The following NCAM2 variants were observed in gnomAD, a reference collection of about 807,000 sequenced individuals.
NCAM2 encodes neural cell adhesion molecule 2.
A neutral mutation model predicts 98.1 loss-of-function variants in NCAM2; 30 were observed. That is an observed-to-expected ratio of 0.31 (90% CI 0.23 to 0.41). The LOEUF (loss-of-function observed/expected upper bound fraction) is 0.41, where lower values mean the gene tolerates loss of function less well. NCAM2 is among the 10% of genes least tolerant of loss of function. The pLI is 1.00. For synonymous variants in NCAM2, 368 were observed against 342.4 expected, an observed-to-expected ratio of 1.07 and a Z score of -0.83; for missense variants, 867 against 1,005.8, an observed-to-expected ratio of 0.86 and a Z score of 1.87.
intron 1 of NCAM2, among the ~76,000 whole-genome samples, chr21:21,116,576 C>T (rs778819795): frequency 5.9e-5 from 9 of 152,080 alleles, no homozygotes; most frequent in African/African-American, 1.4e-4. Context: ...CCAATGTGTC[C>T]GGGCGCAGCG....
At chr21:21,476,869 C>A (rs1165735032) in intron 14 of NCAM2, among the ~76,000 whole-genome samples, 1 of 151,840 alleles carries the variant, frequency 6.6e-6, no homozygotes, top group Non-Finnish European at 1.5e-5. Flanking sequence ...TTCTTCCCCC[C>A]AAAAAACTTT....
chr21:21,128,800 T>G (rs2066879096), intron 1 of NCAM2, among the ~76,000 whole-genome samples: 1 of 152,148 alleles, frequency 6.6e-6, no homozygotes, highest in South Asian at 2.1e-4. Context: ...ATGCTTAAAT[T>G]AAATCTACCT....
intron 1 of NCAM2, among the ~76,000 whole-genome samples, chr21:21,008,221 A>T (rs2064145997): frequency 6.6e-6 from 1 of 152,192 alleles, no homozygotes; most frequent in African/African-American, 2.4e-5. Flanking sequence ...TACAAGCTGA[A>T]ATTAAGCACA....
chr21:21,226,485 TGAA>T (rs1418463205), intron 1 of NCAM2, among the ~76,000 whole-genome samples: 2 of 152,078 alleles, frequency 1.3e-5, no homozygotes, highest in East Asian at 1.9e-4. Flanking sequence ...TTGAAAATAC[TGAA>T]GAAGAAGATA....
chr21:21,261,863 G>A (rs561964888), intron 1 of NCAM2, among the ~76,000 whole-genome samples: 5 of 152,000 alleles, frequency 3.3e-5, no homozygotes, highest in Non-Finnish European at 5.9e-5. Flanking sequence ...CAAAGGTCAC[G>A]GAAGAAATGC....
chr21:21,337,248 A>AT (rs1568949734), intron 7 of NCAM2, among the ~76,000 whole-genome samples: 2 of 152,020 alleles, frequency 1.3e-5, no homozygotes, highest in South Asian at 4.1e-4. Flanking sequence ...AAGAAAAAAG[A>AT]TTTTTTACAT....
At chr21:21,265,988 ATGAATAAG>A (rs1399785957) in intron 1 of NCAM2, among the ~76,000 whole-genome samples, 3 of 152,142 alleles carry the variant, frequency 2.0e-5, no homozygotes, top group Non-Finnish European at 4.4e-5. Flanking sequence ...AAAAATATTA[ATGAATAAG>A]TGAGGGTGTT....
At chr21:21,053,239 G>A (rs1041047330) in intron 1 of NCAM2, among the ~76,000 whole-genome samples, 3 of 152,024 alleles carry the variant, frequency 2.0e-5, no homozygotes, top group Non-Finnish European at 4.4e-5. Context: ...CAAATGGTTT[G>A]CATTATAAAA....
chr21:21,029,758 G>A (rs1034617708), intron 1 of NCAM2, among the ~76,000 whole-genome samples: 1 of 152,030 alleles, frequency 6.6e-6, no homozygotes, highest in African/African-American at 2.4e-5. Flanking sequence ...AGCCTCCCGA[G>A]TAGCTGGGGC....
intron 13 of NCAM2, 83 bp from the exon 14 acceptor site, chr21:21,468,579 A>T: frequency 1.5e-6 from 2 of 1,347,388 alleles, no homozygotes; most frequent in Non-Finnish European, 2.0e-6. Context: ...TTTTGATTAC[A>T]TTACTGTTCT....
At chr21:21,134,161 C>G (rs1007070689) in intron 1 of NCAM2, among the ~76,000 whole-genome samples, 1 of 151,638 alleles carries the variant, frequency 6.6e-6, no homozygotes, top group East Asian at 1.9e-4. Context: ...CTCCGCCTCC[C>G]GGGTCCAGGA....
chr21:21,058,317 G>C (rs1400429185), intron 1 of NCAM2, among the ~76,000 whole-genome samples: 1 of 152,030 alleles, frequency 6.6e-6, no homozygotes, highest in Non-Finnish European at 1.5e-5. Flanking sequence ...ATGTGTGCTT[G>C]TTGTATGACA....
At chr21:21,328,134 A>G (rs1011366567) in intron 6 of NCAM2, among the ~76,000 whole-genome samples, 5 of 152,206 alleles carry the variant, frequency 3.3e-5, no homozygotes, top group Non-Finnish European at 5.9e-5. Flanking sequence ...TGGTGGTTCC[A>G]TAAGATTATA....
In NCAM2 at chr21:21,475,806, A is replaced by C. The variant is rs150490729; in HGVS notation, c.1897-1485A>C. Among the ~76,000 whole-genome samples the C allele has an allele frequency of 7.7e-3, 1,168 of 152,250 alleles. 12 individuals carry two copies. Among genetic ancestry groups the C allele is most frequent in the African/African-American group, 0.027 (1,115 of 41,560 alleles). ...TTCTAATATCTTCATTTTTACACGAAATAGCAAAACAGGCCAAACTTTTCT... is the reference window on the plus strand; with the variant it reads ...TTCTAATATCTTCATTTTTACACGACATAGCAAAACAGGCCAAACTTTTCT... On this transcript the variant is annotated intron_variant, in intron 14 of 17. Transcript: ENST00000400546.
Position 21,497,258 on chromosome 21 carries a change from C to T in NCAM2, c.2078-11593C>T, listed in dbSNP as rs531180150. On this transcript the variant is annotated intron_variant, in intron 15 of 17. Coordinates refer to ENST00000400546, the MANE Select transcript of NCAM2 (RefSeq NM_004540.5). The stretch of plus-strand genomic sequence containing the variant: ...CTACCAATCAATCAAGCTGTGTGCT[C>T]GCTATCAGGGTGATATGACTTCCAA... Among the ~76,000 whole-genome samples, 16 of 152,138 alleles carry T rather than the reference C, an allele frequency of 1.1e-4. 1 individual carries two copies. The South Asian group carries it at 2.9e-3, about 28-fold the overall frequency.
rs140141663 is a variant in NCAM2 at position 21,245,231 on chromosome 21, A to G, written c.56-35347A>G. On this transcript the variant is annotated intron_variant, in intron 1 of 17. Transcript: ENST00000400546. ...TCACTCATTCTTCATTCAGAGGTCA[A>G]CTATTATCAACTTCTCTGTATGCTA... Among the ~76,000 whole-genome samples, 200 of 152,324 alleles carry G rather than the reference A, an allele frequency of 1.3e-3. 3 individuals are homozygous for G. Among genetic ancestry groups the G allele is most frequent in the African/African-American group, 4.6e-3 (191 of 41,582 alleles).
At position 21,543,055 on chromosome 21, in the gene NCAM2, C is replaced by T. The variant is rs1306723823; in HGVS notation, c.*5098C>T. On this transcript the variant is annotated 3_prime_UTR_variant, in exon 18 of 18. Coordinates refer to ENST00000400546, the MANE Select transcript of NCAM2 (RefSeq NM_004540.5). ...TGGTATGTGAACTGTATGCTGTGCT[C>T]AGTATGTACTGAAACATACTATCTT... The T allele has an allele frequency of 6.6e-5, 10 of 151,708 alleles. No homozygotes were observed. The highest frequency in any genetic ancestry group is 2.4e-4 in the African/African-American group (10 of 41,340). The allele number at this position is 151,708 out of a possible 1,614,324, so 9.4% of individuals were successfully genotyped here.
intron 14 of NCAM2, among the ~76,000 whole-genome samples, chr21:21,471,314 G>A (rs1984413781): frequency 2.0e-5 from 3 of 151,780 alleles, no homozygotes; most frequent in Admixed American, 2.0e-4. Flanking sequence ...TCAACATCAT[G>A]CTCTGAGGAT....
intron 1 of NCAM2, among the ~76,000 whole-genome samples, chr21:21,116,493 C>G (rs1209493867): frequency 6.6e-6 from 1 of 152,084 alleles, no homozygotes; most frequent in Non-Finnish European, 1.5e-5. Flanking sequence ...TAGTTTAAGG[C>G]CTTACCAGTT....
Sources: gnomAD v4.1 joint callset for allele counts (sites outside exome capture counted in the v4.1 genomes callset) on GRCh38, gnomAD v4.1.1 for gene constraint, MANE v1.5 for transcripts, NCBI Gene and HGNC (gene_info 2026-07-23, HGNC 2026-07-21) for gene names.